Variants in TLE2 observed in about 807,000 individuals in gnomAD.
TLE2 encodes TLE family member 2, transcriptional corepressor.
TLE2 carries 74 observed loss-of-function variants against 97.2 expected under a neutral mutation model. That is an observed-to-expected ratio of 0.76 (90% CI 0.63 to 0.92). The LOEUF (loss-of-function observed/expected upper bound fraction) is 0.92. Among genes scored for constraint, TLE2 ranks in the 40% least tolerant of loss-of-function variants. The pLI is 0.00. For missense variants in TLE2, 1,038 were observed against 1,008.7 expected (o/e 1.03, Z -0.39); for synonymous variants, 499 against 432.1 (o/e 1.15, Z -1.92).
intron 8 of TLE2, among the ~76,000 whole-genome samples, chr19:3,016,735 G>T (rs1310514091): frequency 6.6e-6 from 1 of 152,104 alleles, no homozygotes; most frequent in African/African-American, 2.4e-5. Context: ...AGGGTCCAAG[G>T]TCATGCATTC....
chr19:3,013,729 A>C lies in TLE2; in HGVS notation c.813T>G (p.Ser271Arg). The stretch of plus-strand genomic sequence containing the variant: ...CAAGGCTAGAGGCCAAGGAGGCTGG[A>C]CTGTCCACCAGGTCCCGACGGGCAG... ...CIPARRDLVDSPASLASSLGS... is the reference protein window; with the variant it reads ...CIPARRDLVDRPASLASSLGS... The change falls in exon 11 of 20, where the codon AGT becomes AGG. Residue 271 changes from serine (S) to arginine (R), a missense_variant. By Grantham distance (110) the Ser-to-Arg change is moderately radical (BLOSUM62 -1). Transcript: ENST00000262953. 1 of 1,556,928 alleles carries C rather than the reference A, an allele frequency of 6.4e-7. No homozygotes were observed. Among genetic ancestry groups the C allele is most frequent in the Non-Finnish European group, 8.7e-7 (1 of 1,153,788 alleles).
chr19:3,002,369 C>T lies in TLE2; in HGVS notation c.2031G>A (p.Leu677=), dbSNP rs1411620426. 1.9e-6 allele frequency: 3 copies of T among 1,612,928 alleles called. No homozygotes were observed. The highest frequency in any genetic ancestry group is 2.5e-6 in the Non-Finnish European group (3 of 1,179,602). The change falls in exon 18 of 20, where the codon CTG becomes CTA. Residue 677 remains leucine, a synonymous_variant. Coordinates refer to ENST00000262953, the MANE Select transcript of TLE2 (RefSeq NM_003260.5). ...LHLHESCVLS[L]KFASCGRWFV... is the part of the protein sequence containing the mutation. ...AAGACACACCGCAGGAGGCAAACTT[C>T]AGGGACAGCACGCAGCTCTCGTGGA...
chr19:3,006,229 A>C (rs7249797), intron 15 of TLE2, 191 bp downstream of exon 15: 1 of 1,031,176 alleles, frequency 9.7e-7, no homozygotes. Flanking sequence ...AGTCCAATTC[A>C]GATTGGCCAG....
rs1199848182 is a variant in TLE2, at chr19:3,015,758, A to G, written c.573T>C (p.Ser191=). The change falls in exon 9 of 20, where the codon AGT becomes AGC. Residue 191 remains serine, a splice_region_variant and synonymous_variant. Coordinates refer to ENST00000262953, the MANE Select transcript of TLE2 (RefSeq NM_003260.5). ...GACTCTCAGGGGGCGAGGGAGATGC[A>G]CTCTGCGGAGAGACAAAGGCCGGGG... ...GSRVERAPSR[S]ASPSPPESLV... is the part of the protein sequence containing the mutation. 1.2e-6 allele frequency: 2 copies of G among 1,604,640 alleles called. No individual in the cohort carries two copies. The highest frequency in any genetic ancestry group is 4.5e-5 in the East Asian group (2 of 44,520).
chr19:3,013,522 T>A (rs749224065), intron 11 of TLE2, 147 bp downstream of exon 11: 48 of 765,880 alleles, frequency 6.3e-5, no homozygotes, highest in Non-Finnish European at 8.0e-5. Flanking sequence ...AGCAGGAGGT[T>A]TAAAAAAAAA....
At position 2,999,926 on chromosome 19, in the gene TLE2, G is replaced by A. The variant is rs1269386248; in HGVS notation, c.2124+721C>T. Among the ~76,000 whole-genome samples the A allele has an allele frequency of 1.1e-4, 17 of 150,328 alleles. No homozygotes were observed. In the South Asian group the frequency reaches 3.2e-3, roughly 28 times the overall value. ...TACATGCCTGTAATCCCAGCTACTCGGGAGGCTGTGGCAGGAGAATCGATT... is the reference window on the plus strand; with the variant it reads ...TACATGCCTGTAATCCCAGCTACTCAGGAGGCTGTGGCAGGAGAATCGATT... On this transcript the variant is annotated intron_variant, in intron 19 of 19. Coordinates refer to ENST00000262953, the MANE Select transcript of TLE2 (RefSeq NM_003260.5).
At position 3,027,845 on chromosome 19, in the gene TLE2, A is replaced by G; in HGVS notation, c.215T>C (p.Ile72Thr). ...MYYEMSYGLN[I>T]EMHKQAEIVK... ...CCCAGTTACCTGCTTATGCATTTCA[A>G]TGTTGAGCCCGTACGACATCTCATA... The change falls in exon 4 of 20, where the codon ATT (isoleucine) becomes ACT (threonine). Residue 72 changes from isoleucine (I) to threonine (T), a missense_variant. Coordinates refer to ENST00000262953, the MANE Select transcript of TLE2 (RefSeq NM_003260.5). The G allele has an allele frequency of 2.5e-6, 4 of 1,611,836 alleles. No homozygotes were observed. Among genetic ancestry groups the G allele is most frequent in the Non-Finnish European group, 1.7e-6 (2 of 1,179,164 alleles).
At position 3,005,972 on chromosome 19, in the gene TLE2, G is replaced by C; in HGVS notation, c.1501-4C>G. ...AACGAATGTAGTTGTCTCGGTTCTG[G>C]GGTCGGGGAGAGAAGCAGGGGCTGG... On this transcript the variant is annotated splice_polypyrimidine_tract_variant and splice_region_variant and intron_variant, in intron 15 of 19. Transcript: ENST00000262953. 2 of 1,609,840 alleles carry C rather than the reference G, an allele frequency of 1.2e-6. No homozygotes were observed. The highest frequency in any genetic ancestry group is 2.2e-5 in the East Asian group (1 of 44,738).
At chr19:3,036,720 CA>C (rs1173486482) in intron 1 of TLE2, among the ~76,000 whole-genome samples, 1 of 149,704 alleles carries the variant, frequency 6.7e-6, no homozygotes, top group Non-Finnish European at 1.5e-5. Context: ...CCCAGATGCA[CA>C]GTGAGATTGC....
intron 18 of TLE2, 101 bp from the exon 19 acceptor site, chr19:3,000,824 C>CTT (rs4061734): frequency 0.08 from 40,266 of 500,892 alleles, 1,054 homozygotes; most frequent in East Asian, 0.24. Context: ...TGGCCTCTCC[C>CTT]TTTTTTTTTT....
intron 15 of TLE2, 175 bp downstream of exon 15, chr19:3,006,245 C>A: frequency 8.6e-7 from 1 of 1,169,274 alleles, no homozygotes; most frequent in Non-Finnish European, 1.3e-6. Flanking sequence ...GCCAGAGCCC[C>A]ACCCCTTTGG....
intron 1 of TLE2, among the ~76,000 whole-genome samples, chr19:3,035,205 C>T (rs2090053072): frequency 6.6e-6 from 1 of 152,284 alleles, no homozygotes; most frequent in South Asian, 2.1e-4. Context: ...TTTGGGGAGA[C>T]TCTGCTGCCA....
intron 7 of TLE2, among the ~76,000 whole-genome samples, chr19:3,018,322 G>T (rs548741806): frequency 1.2e-4 from 18 of 148,386 alleles, no homozygotes; most frequent in Admixed American, 1.1e-3. Flanking sequence ...ATTTATTTAT[G>T]AATGAGACAG....
intron 8 of TLE2, among the ~76,000 whole-genome samples, chr19:3,016,419 C>CAAAAAAAAAAAAA (rs34669546): frequency 1.1e-5 from 1 of 91,540 alleles, no homozygotes; most frequent in African/African-American, 4.2e-5. Context: ...ACTAAAAATA[C>CAAAAAAAAAAAAA]AAAAAAAAAA....
upstream of TLE2, among the ~76,000 whole-genome samples, chr19:3,032,280 G>A (rs944098950): frequency 4.6e-5 from 7 of 151,906 alleles, no homozygotes; most frequent in South Asian, 8.3e-4. This position sits in a 1 kb window ranked among gnomAD's most constrained non-coding sequence, Gnocchi z 4.1. Flanking sequence ...TCATTCTGTC[G>A]CTGGAGTGCA....
At chr19:3,009,076 G>A (rs2089536552) in intron 13 of TLE2, 131 bp from the exon 14 acceptor site, 4 of 636,146 alleles carry the variant, frequency 6.3e-6, no homozygotes, top group Non-Finnish European at 1.0e-5. Flanking sequence ...CCTTCTCTCT[G>A]CCTGTCACAC....
At chr19:3,037,591 A>G (rs1374151678) in intron 1 of TLE2, among the ~76,000 whole-genome samples, 1 of 152,144 alleles carries the variant, frequency 6.6e-6, no homozygotes. Context: ...TCCTGAAGTC[A>G]CAGTGGGTTC....
intron 17 of TLE2, among the ~76,000 whole-genome samples, chr19:3,003,719 GAGAC>G (rs983032280): frequency 6.7e-6 from 1 of 148,286 alleles, no homozygotes; most frequent in Non-Finnish European, 1.5e-5. Context: ...GTTCCTTTTT[GAGAC>G]AGACAGGGTC....
intron 19 of TLE2, among the ~76,000 whole-genome samples, chr19:2,999,620 G>A (rs373340468): frequency 5.9e-5 from 9 of 151,850 alleles, no homozygotes; most frequent in South Asian, 2.1e-4. Flanking sequence ...CCAGCTACTC[G>A]GGAGGCTGAG....
Sources: gnomAD v4.1 joint callset for allele counts (sites outside exome capture counted in the v4.1 genomes callset) on GRCh38, gnomAD v4.1.1 for gene constraint, Gnocchi (gnomAD v3.1) non-coding constraint, MANE v1.5 for transcripts, NCBI Gene and HGNC (gene_info 2026-07-23, HGNC 2026-07-21) for gene names.